Variants in SNX8 observed in about 807,000 individuals in gnomAD.
The protein encoded by SNX8 is sorting nexin 8.
In SNX8, 25 loss-of-function variants were observed where a neutral mutation model predicts 51.6. The observed-to-expected ratio is 0.48, with a 90% CI of 0.35 to 0.68. SNX8 has a LOEUF of 0.68. SNX8 is among the 30% of genes least tolerant of loss of function. The pLI is 0.00. For missense variants in SNX8, 695 were observed against 624.0 expected (o/e 1.11, Z -1.21); for synonymous variants, 324 against 277.0 (o/e 1.17, Z -1.68).
Position 2,257,517 on chromosome 7 carries a change from G to C in SNX8, c.985-3C>G. ...TTCTCATGCCGCTCGCACAGGTCCT[G>C]CGGGGCCGGGGGAGGCATTCGCCCG... On this transcript the variant is annotated splice_polypyrimidine_tract_variant and splice_region_variant and intron_variant, in intron 8 of 10. Coordinates refer to ENST00000222990, the MANE Select transcript of SNX8 (RefSeq NM_013321.4). The C allele has an allele frequency of 6.2e-7, 1 of 1,601,438 alleles. No homozygotes were observed. Among genetic ancestry groups the C allele is most frequent in the Non-Finnish European group, 8.5e-7 (1 of 1,177,620 alleles).
chr7:2,293,104 C>G (rs546975847), intron 1 of SNX8, among the ~76,000 whole-genome samples: 1 of 150,990 alleles, frequency 6.6e-6, no homozygotes, highest in Admixed American at 6.6e-5. Context: ...ATGACACCAC[C>G]AAGAAAGTGA....
At chr7:2,265,112 T>C (rs1210799560) in intron 5 of SNX8, among the ~76,000 whole-genome samples, 1 of 152,114 alleles carries the variant, frequency 6.6e-6, no homozygotes, top group Non-Finnish European at 1.5e-5. Flanking sequence ...CCCAGCACTT[T>C]GGGAGGCCGA....
At chr7:2,342,874 G>C (rs1012746339) in intron 1 of SNX8, among the ~76,000 whole-genome samples, 6 of 151,802 alleles carry the variant, frequency 4.0e-5, no homozygotes, top group Admixed American at 2.0e-4. Context: ...CTAGGCTGGA[G>C]TGCAGTGGCA....
chr7:2,336,613 TAGG>T (rs1778835036), intron 1 of SNX8, among the ~76,000 whole-genome samples: 1 of 147,998 alleles, frequency 6.8e-6, no homozygotes, highest in African/African-American at 2.5e-5. Context: ...GAGGCTGAGG[TAGG>T]AGAATTGCTT....
intron 1 of SNX8, among the ~76,000 whole-genome samples, chr7:2,352,988 G>T (rs945266967): frequency 2.0e-5 from 3 of 152,002 alleles, no homozygotes; most frequent in African/African-American, 7.2e-5. Context: ...CTTCTTTTTC[G>T]CTCTTTTAAA....
chr7:2,269,523 T>TAAA (rs375189373), intron 5 of SNX8, 36 bp downstream of exon 5: 88 of 893,902 alleles, frequency 9.8e-5, no homozygotes, highest in South Asian at 2.5e-4. Flanking sequence ...AAAAATAAAT[T>TAAA]AAAAAAAAAA....
At chr7:2,319,631 C>T (rs1485786296) in intron 1 of SNX8, among the ~76,000 whole-genome samples, 1 of 152,120 alleles carries the variant, frequency 6.6e-6, no homozygotes, top group African/African-American at 2.4e-5. Context: ...CTGGCTAACA[C>T]GGTGAAACCC....
In SNX8 at chr7:2,314,248, G is replaced by A. The variant is rs536759160; in HGVS notation, c.94+80C>T. On this transcript the variant is annotated intron_variant, in intron 1 of 10. Transcript: ENST00000222990. ...AGGAAACGAGTCGGGGACCAAGCGC[G>A]GCGGCTGAGCCCCGTCCGCCGGGGG... 23 of 1,203,874 alleles carry A rather than the reference G, an allele frequency of 1.9e-5. No individual in the cohort carries two copies. In the African/African-American group the frequency reaches 2.5e-4, roughly 13 times the overall value. The allele number at this position is 1,203,874 out of a possible 1,614,324, so 74.6% of individuals were successfully genotyped here.
chr7:2,293,990 G>A (rs767768041), intron 1 of SNX8, among the ~76,000 whole-genome samples: 17 of 140,300 alleles, frequency 1.2e-4, no homozygotes, highest in Non-Finnish European at 2.3e-4. Context: ...GAGGCTGAGC[G>A]CAGTGGCTCA....
intron 1 of SNX8, among the ~76,000 whole-genome samples, chr7:2,322,424 G>A (rs1183111843): frequency 6.6e-6 from 1 of 152,060 alleles, no homozygotes. Flanking sequence ...GCTGGGCGCC[G>A]TGGCTCACAC....
chr7:2,332,029 A>C (rs1778746015), intron 1 of SNX8, among the ~76,000 whole-genome samples: 1 of 151,894 alleles, frequency 6.6e-6, no homozygotes, highest in Non-Finnish European at 1.5e-5. Context: ...ACATAGCAAG[A>C]CCCTGTCTCT....
intron 1 of SNX8, among the ~76,000 whole-genome samples, chr7:2,345,023 G>C (rs1778995514): frequency 6.6e-6 from 1 of 152,132 alleles, no homozygotes; most frequent in Admixed American, 6.6e-5. Flanking sequence ...GTGTAAATTG[G>C]TACAGATACT....
At chr7:2,288,852 G>C (rs1442832847) in intron 1 of SNX8, among the ~76,000 whole-genome samples, 1 of 152,092 alleles carries the variant, frequency 6.6e-6, no homozygotes, top group Non-Finnish European at 1.5e-5. Flanking sequence ...TCCCATCTCA[G>C]CCTCCTGAGT....
intron 5 of SNX8, among the ~76,000 whole-genome samples, chr7:2,266,351 AT>A (rs60169934): frequency 2.0e-5 from 3 of 148,346 alleles, no homozygotes; most frequent in African/African-American, 2.5e-5. Context: ...AGCCTGGCTA[AT>A]TTTTTTTTTC....
In SNX8 at chr7:2,328,767, T is replaced by C. The variant is rs1444319479; in HGVS notation, c.-66+25455A>G. Among the ~76,000 whole-genome samples, 4 of 151,890 alleles carry C rather than the reference T, an allele frequency of 2.6e-5. No homozygotes were observed. In the East Asian group the frequency reaches 5.8e-4, roughly 22 times the overall value. ...GAGATCGAGACCATCCTGGCTAACCTGGTGAAATCCTGTCTCTACTAAAAA... is the reference window on the plus strand; with the variant it reads ...GAGATCGAGACCATCCTGGCTAACCCGGTGAAATCCTGTCTCTACTAAAAA... On this transcript the variant is annotated intron_variant, in intron 1 of 5. Transcript: ENST00000435336.
In SNX8 at chr7:2,304,271, A is replaced by G. The variant is rs188275656; in HGVS notation, c.94+10057T>C. Among the ~76,000 whole-genome samples, 21 of 152,026 alleles carry G rather than the reference A, an allele frequency of 1.4e-4. No individual in the cohort carries two copies. In the East Asian group the frequency reaches 2.5e-3, roughly 18 times the overall value. On this transcript the variant is annotated intron_variant, in intron 1 of 10. Coordinates refer to ENST00000222990, the MANE Select transcript of SNX8 (RefSeq NM_013321.4). ...CATAAATCCATCTCCCCGGCCGGGC[A>G]CGGCAGCTCACGCCTGGAATCCCAG...
chr7:2,275,068 G>A (rs762765552), intron 3 of SNX8, 44 bp downstream of exon 3: 2 of 1,340,156 alleles, frequency 1.5e-6, no homozygotes, highest in African/African-American at 2.9e-5. Flanking sequence ...CCAGGAGATG[G>A]GCTCGCTCCC....
chr7:2,285,499 A>C (rs770504866), intron 1 of SNX8, among the ~76,000 whole-genome samples: 2 of 152,182 alleles, frequency 1.3e-5, no homozygotes, highest in Non-Finnish European at 2.9e-5. Context: ...GGCATTAGAC[A>C]TGAGAGTTTG....
At chr7:2,302,777 G>T (rs552990377) in intron 1 of SNX8, among the ~76,000 whole-genome samples, 1 of 150,654 alleles carries the variant, frequency 6.6e-6, no homozygotes, top group Non-Finnish European at 1.5e-5. Flanking sequence ...TGTGAGGAGC[G>T]CCTCTGCCCG....
Sources: gnomAD v4.1 joint callset for allele counts (sites outside exome capture counted in the v4.1 genomes callset) on GRCh38, gnomAD v4.1.1 for gene constraint, MANE v1.5 for transcripts, NCBI Gene and HGNC (gene_info 2026-07-23, HGNC 2026-07-21) for gene names.